PLXNA4: variants seen among roughly 807,000 people sequenced by gnomAD.
The protein encoded by PLXNA4 is plexin-A4.
Under a neutral mutation model 191.8 loss-of-function variants are expected in PLXNA4, and 44 were observed. That is an observed-to-expected ratio of 0.23 (90% CI 0.18 to 0.29). The LOEUF is 0.29. Among genes scored for constraint, PLXNA4 ranks in the 10% least tolerant of loss-of-function variants. The probability of loss-of-function intolerance (pLI) is 1.00; values close to 1 mark genes in which losing one functional copy is unlikely to be tolerated. For missense variants in PLXNA4, 1,800 were observed against 2,488.8 expected, an observed-to-expected ratio of 0.72 and a Z score of 5.89; for synonymous variants, 1,082 against 1,009.5, an observed-to-expected ratio of 1.07 and a Z score of -1.36.
chr7:132,444,935 G>A (rs192797613), intron 3 of PLXNA4, among the ~76,000 whole-genome samples: 1,662 of 151,644 alleles, frequency 0.011, 33 homozygotes, highest in African/African-American at 0.038. Context: ...AGGCCGAGGC[G>A]GGCGGATCAT....
chr7:132,153,620 A>G (rs568959566), intron 25 of PLXNA4, among the ~76,000 whole-genome samples: 33 of 152,170 alleles, frequency 2.2e-4, no homozygotes, highest in African/African-American at 7.7e-4. Context: ...GGCAGTGGGA[A>G]GCTGAGGCAT....
chr7:132,145,894 AC>A (rs1795412199), intron 28 of PLXNA4, among the ~76,000 whole-genome samples: 1 of 120,752 alleles, frequency 8.3e-6, no homozygotes, highest in South Asian at 2.7e-4. Context: ...ACATGGTGAA[AC>A]CCCACCTCTA....
rs1201792068 is a variant in PLXNA4 at position 132,507,396 on chromosome 7, C to G, written c.1188+110G>C. 6 of 1,220,422 alleles carry G rather than the reference C, an allele frequency of 4.9e-6. No individual in the cohort carries two copies. The Admixed American group carries it at 1.1e-4, about 22-fold the overall frequency. 75.6% of individuals were successfully genotyped at this position (1,220,422 alleles called of 1,614,324 possible). A position where few individuals can be genotyped will look rare whatever the true frequency, so the allele number is the denominator to read the frequency against. On this transcript the variant is annotated intron_variant, in intron 2 of 31. Coordinates refer to ENST00000321063, the MANE Select transcript of PLXNA4 (RefSeq NM_020911.2). The stretch of plus-strand genomic sequence containing the variant: ...ACTCAGAGATGGGATGGGATATACT[C>G]ACTTCATCTGCAAAAGGGGAAGGAT...
chr7:132,357,225 G>C (rs925805792), intron 3 of PLXNA4, among the ~76,000 whole-genome samples: 1 of 152,164 alleles, frequency 6.6e-6, no homozygotes, highest in African/African-American at 2.4e-5. Context: ...TCTTTGCAGG[G>C]CACATGGAGT....
At chr7:132,384,104 A>T (rs1237689756) in intron 3 of PLXNA4, 14 of 985,426 alleles carry the variant, frequency 1.4e-5, no homozygotes, top group Non-Finnish European at 1.7e-5. Flanking sequence ...GTGCAAGCAC[A>T]CAGATGAAGG....
At chr7:132,138,543 C>T (rs939675109) in intron 30 of PLXNA4, among the ~76,000 whole-genome samples, 2 of 152,176 alleles carry the variant, frequency 1.3e-5, no homozygotes, top group Non-Finnish European at 2.9e-5. Flanking sequence ...TGGGCTTGAC[C>T]TCAGCCCTGT....
chr7:132,197,483 T>G (rs963465565), intron 13 of PLXNA4, among the ~76,000 whole-genome samples: 12 of 152,202 alleles, frequency 7.9e-5, no homozygotes, highest in Admixed American at 7.2e-4. Flanking sequence ...GTAGGATATT[T>G]TAAAATTCTC....
chr7:132,259,286 T>A (rs1451562603), intron 4 of PLXNA4, among the ~76,000 whole-genome samples: 1 of 151,292 alleles, frequency 6.6e-6, no homozygotes, highest in Non-Finnish European at 1.5e-5. Flanking sequence ...AACCAGCCCA[T>A]CTAGCTGGGT....
intron 3 of PLXNA4, among the ~76,000 whole-genome samples, chr7:132,310,160 T>C (rs1490115095): frequency 1.3e-5 from 2 of 152,212 alleles, no homozygotes; most frequent in African/African-American, 4.8e-5. Flanking sequence ...TTGCTTAGCA[T>C]CCTCAGCTGA....
chr7:132,347,665 T>C (rs1368807158), intron 3 of PLXNA4, among the ~76,000 whole-genome samples: 3 of 152,090 alleles, frequency 2.0e-5, no homozygotes, highest in Non-Finnish European at 2.9e-5. Flanking sequence ...GGACAAGCAG[T>C]TGTGTGCTCC....
At chr7:132,254,197 A>G (rs77205680) in intron 4 of PLXNA4, among the ~76,000 whole-genome samples, 4,545 of 152,248 alleles carry the variant, frequency 0.03, 70 homozygotes, top group Middle Eastern at 0.051. Flanking sequence ...ATCTATCTGT[A>G]TGATAGGGAC....
intron 3 of PLXNA4, among the ~76,000 whole-genome samples, chr7:132,465,634 T>C (rs577969460): frequency 6.6e-6 from 1 of 152,276 alleles, no homozygotes; most frequent in Non-Finnish European, 1.5e-5. Context: ...ATTTTCTGTT[T>C]CTTGGAAAAA....
intron 3 of PLXNA4, among the ~76,000 whole-genome samples, chr7:132,458,227 G>C (rs919959535): frequency 6.6e-6 from 1 of 151,820 alleles, no homozygotes; most frequent in African/African-American, 2.4e-5. Flanking sequence ...GAACCAAAAA[G>C]TTCTTTAGAA....
At chr7:132,609,184 C>T (rs1388361455) in intron 2 of PLXNA4, among the ~76,000 whole-genome samples, 2 of 152,152 alleles carry the variant, frequency 1.3e-5, no homozygotes, top group Non-Finnish European at 2.9e-5. Flanking sequence ...TCTGTATCTC[C>T]CTTCCCTCCC....
intron 3 of PLXNA4, among the ~76,000 whole-genome samples, chr7:132,370,932 A>C (rs1256412268): frequency 6.6e-6 from 1 of 152,196 alleles, no homozygotes; most frequent in East Asian, 1.9e-4. Context: ...GCAGGCAGGG[A>C]GAGCTGATGC....
chr7:132,186,249 G>A (rs1796874787), intron 15 of PLXNA4, among the ~76,000 whole-genome samples: 1 of 152,204 alleles, frequency 6.6e-6, no homozygotes, highest in African/African-American at 2.4e-5. Context: ...GGGCTGCACA[G>A]TAGGACCAGG....
intron 4 of PLXNA4, among the ~76,000 whole-genome samples, chr7:132,241,948 T>C (rs1425891964): frequency 6.6e-6 from 1 of 152,196 alleles, no homozygotes; most frequent in Non-Finnish European, 1.5e-5. Flanking sequence ...AATGCTTCCA[T>C]TTCCTACATG....
chr7:132,317,093 T>C (rs529836325), intron 3 of PLXNA4, among the ~76,000 whole-genome samples: 5 of 152,302 alleles, frequency 3.3e-5, no homozygotes, highest in East Asian at 1.9e-4. Flanking sequence ...TTGTGTTGTG[T>C]TGAATTAGAT....
At position 132,270,763 on chromosome 7, in the gene PLXNA4, T is replaced by A. The variant is rs533377189; in HGVS notation, c.1503+27328A>T. Among the ~76,000 whole-genome samples, 4 of 152,372 alleles carry A rather than the reference T, an allele frequency of 2.6e-5. No individual in the cohort carries two copies. The South Asian group carries it at 8.3e-4, about 32-fold the overall frequency. On this transcript the variant is annotated intron_variant, in intron 4 of 31. Transcript: ENST00000321063. ...TGAAATACAGAACCAAAGAATTTTATCATTTAAAGTGCCTACACAATATGA... is the reference window on the plus strand; with the variant it reads ...TGAAATACAGAACCAAAGAATTTTAACATTTAAAGTGCCTACACAATATGA...
Sources: gnomAD v4.1 joint callset for allele counts (sites outside exome capture counted in the v4.1 genomes callset) on GRCh38, gnomAD v4.1.1 for gene constraint, MANE v1.5 for transcripts, NCBI Gene and HGNC (gene_info 2026-07-23, HGNC 2026-07-21) for gene names.